ARHGEF40: variants seen among roughly 807,000 people sequenced by gnomAD.
The protein encoded by ARHGEF40 is Rho guanine nucleotide exchange factor (GEF) 40.
ARHGEF40 carries 98 observed loss-of-function variants against 165.9 expected under a neutral mutation model. The ratio of observed to expected loss-of-function variants is 0.59; its 90% CI spans 0.50 to 0.70. The LOEUF (loss-of-function observed/expected upper bound fraction) is 0.70. ARHGEF40 is among the 30% of genes least tolerant of loss of function. ARHGEF40 has a pLI of 0.00. For missense variants in ARHGEF40, 1,815 were observed against 1,968.0 expected, an observed-to-expected ratio of 0.92 and a Z score of 1.47; for synonymous variants, 792 against 814.3, an observed-to-expected ratio of 0.97 and a Z score of 0.47.
chr14:21,078,607 T>A, intron 10 of ARHGEF40, 119 bp downstream of exon 10: 1 of 1,066,320 alleles, frequency 9.4e-7, no homozygotes, highest in Non-Finnish European at 1.3e-6. Context: ...GGCAAGATAC[T>A]ATGCTTTTAC....
Position 21,074,026 on chromosome 14 carries a change from T to G in ARHGEF40, c.296T>G (p.Leu99Arg). ...VVQLAALPWQ[L>R]LRPGDFYLQV... ...CAGCTAGCAGCCCTACCCTGGCAAC[T>G]GCTGCGCCCAGGAGACTTCTATCTG... is the stretch of plus-strand genomic sequence containing the variant. Residue 99 changes from leucine to arginine, a missense_variant, in exon 3 of 24, where the codon CTG (leucine) becomes CGG (arginine). Transcript: ENST00000298694. The surrounding 1 kb of genome is among the most constrained non-coding windows in gnomAD (Gnocchi z 4.8). 6.2e-7 allele frequency: 1 copy of G among 1,614,064 alleles called. No individual in the cohort carries two copies. Among genetic ancestry groups the G allele is most frequent in the Non-Finnish European group, 8.5e-7 (1 of 1,180,022 alleles).
intron 11 of ARHGEF40, among the ~76,000 whole-genome samples, chr14:21,079,947 T>C (rs1887741048): frequency 6.6e-6 from 1 of 152,092 alleles, no homozygotes. Context: ...CAAGTCCTCA[T>C]CTATAGAATG....
intron 19 of ARHGEF40, 24 bp downstream of exon 19, chr14:21,085,890 G>A (rs1888298856): frequency 1.2e-6 from 2 of 1,611,488 alleles, no homozygotes; most frequent in Admixed American, 1.7e-5. Flanking sequence ...CTGAGGAAGG[G>A]GGTGCTTGGA....
chr14:21,080,601 C>T (rs1887814808), intron 11 of ARHGEF40, 59 bp from the exon 12 acceptor site: 1 of 1,557,358 alleles, frequency 6.4e-7, no homozygotes, highest in Non-Finnish European at 8.7e-7. Flanking sequence ...TGCTGGATCT[C>T]AGCCCTTCCT....
At chr14:21,084,499 C>T (rs1888185163) in intron 17 of ARHGEF40, among the ~76,000 whole-genome samples, 1 of 152,220 alleles carries the variant, frequency 6.6e-6, no homozygotes, top group African/African-American at 2.4e-5. Flanking sequence ...CATGCAAAGG[C>T]TTCCCCACAG....
intron 21 of ARHGEF40, 106 bp downstream of exon 21, chr14:21,087,569 C>T: frequency 6.7e-7 from 1 of 1,481,486 alleles, no homozygotes; most frequent in Non-Finnish European, 9.1e-7. Context: ...AGCCCAGTTG[C>T]CATGACAACT....
intron 20 of ARHGEF40, 33 bp downstream of exon 20, chr14:21,087,138 G>A (rs1888407805): frequency 6.2e-7 from 1 of 1,604,468 alleles, no homozygotes; most frequent in South Asian, 1.1e-5. Flanking sequence ...GTGGCCCCCA[G>A]GAGTGAAGAC....
chr14:21,076,558 C>G lies in ARHGEF40; in HGVS notation c.1837-5C>G. 1 of 1,614,216 alleles carries G rather than the reference C, an allele frequency of 6.2e-7. No individual in the cohort carries two copies. Among genetic ancestry groups the G allele is most frequent in the Non-Finnish European group, 8.5e-7 (1 of 1,180,038 alleles). On this transcript the variant is annotated splice_region_variant and splice_polypyrimidine_tract_variant and intron_variant, in intron 6 of 23. Transcript: ENST00000298694. ...CAGTTTAGGGTTATTCTTTTCTGCCCTTAGGACTCAGGAGATCCTCCCCTT... is the reference window on the plus strand; with the variant it reads ...CAGTTTAGGGTTATTCTTTTCTGCCGTTAGGACTCAGGAGATCCTCCCCTT...
the ARHGEF40 span, among the ~76,000 whole-genome samples, chr14:21,063,927 C>G: frequency 6.6e-6 from 1 of 152,308 alleles, no homozygotes; most frequent in East Asian, 1.9e-4. Flanking sequence ...TCAAAACTCC[C>G]TTACATAGAA....
rs748618365 is a variant in ARHGEF40, at chr14:21,082,812, C to T, written c.3487-19C>T. On this transcript the variant is annotated intron_variant, in intron 15 of 23. Coordinates refer to ENST00000298694, the MANE Select transcript of ARHGEF40 (RefSeq NM_018071.5). ...AGCGGCCTCACCGGGGACTCCTTAT[C>T]TGTTCTTTACTGGCACAGGGGGACC... 66 of 1,613,136 alleles carry T rather than the reference C, an allele frequency of 4.1e-5. No individual in the cohort carries two copies. In the South Asian group the frequency reaches 5.1e-4, roughly 12 times the overall value.
In ARHGEF40 at chr14:21,073,095, T is replaced by C. The variant is rs1238511541; in HGVS notation, c.54T>C (p.Tyr18=). Residue 18 remains tyrosine, a synonymous_variant, in exon 2 of 24, where the codon TAT becomes TAC. Transcript: ENST00000298694. The surrounding 1 kb of genome is among the most constrained non-coding windows in gnomAD (Gnocchi z 4.6). ...DCVQSTLAAL[Y]PPFEATAPTL... ...TGCAGAGCACTCTCGCCGCCCTGTA[T>C]CCACCCTTTGAGGCAACAGCCCCCA... 6.2e-7 allele frequency: 1 copy of C among 1,614,126 alleles called. No homozygotes were observed. Among genetic ancestry groups the C allele is most frequent in the Non-Finnish European group, 8.5e-7 (1 of 1,180,012 alleles).
chr14:21,082,863 G>A lies in ARHGEF40; in HGVS notation c.3519G>A (p.Val1173=), dbSNP rs1489174626. ...AGTTCAGCCTTTATGCACAGTACGT[G>A]AAGCACCGACACAAACTGGAGAATG... is the stretch of plus-strand genomic sequence containing the variant. ...GDQFSLYAQY[V]KHRHKLENGL... Residue 1173 remains valine (V), a synonymous_variant, in exon 16 of 24, where the codon GTG becomes GTA. Transcript: ENST00000298694. The A allele has an allele frequency of 3.7e-6, 6 of 1,614,096 alleles. No individual in the cohort carries two copies. The African/African-American group carries it at 6.7e-5, about 18-fold the overall frequency.
Position 21,075,383 on chromosome 14 carries a change from A to T in ARHGEF40, c.1502A>T (p.Glu501Val). 1 of 1,614,176 alleles carries T rather than the reference A, an allele frequency of 6.2e-7. No homozygotes were observed. The highest frequency in any genetic ancestry group is 1.1e-5 in the South Asian group (1 of 91,086). Residue 501 changes from glutamate to valine, a missense_variant, in exon 4 of 24, where the codon GAG becomes GTG. Glu to Val is a moderately radical substitution (Grantham distance 121). Coordinates refer to ENST00000298694, the MANE Select transcript of ARHGEF40 (RefSeq NM_018071.5). The surrounding 1 kb of genome is among the most constrained non-coding windows in gnomAD (Gnocchi z 4.5). The stretch of plus-strand genomic sequence containing the variant: ...TCTGACACTCCAACACCTCCGCTGG[A>T]GACTGTGCAGGAAGGAAAAGGGGAC... Reference protein sequence around the residue: ...PLSDTPTPPLETVQEGKGDNI... With the variant: ...PLSDTPTPPLVTVQEGKGDNI...
chr14:21,061,952 G>A, the ARHGEF40 span, among the ~76,000 whole-genome samples: 1 of 152,144 alleles, frequency 6.6e-6, no homozygotes, highest in South Asian at 2.1e-4. Context: ...ACTTTATAAG[G>A]ACATGGAATA....
At position 21,082,949 on chromosome 14, in the gene ARHGEF40, TAGAG is replaced by T. The variant is rs1431893291; in HGVS notation, c.3573+35_3573+38del. 6 of 1,600,792 alleles carry T rather than the reference TAGAG, an allele frequency of 3.7e-6. No homozygotes were observed. The African/African-American group carries it at 5.4e-5, about 14-fold the overall frequency. On this transcript the variant is annotated intron_variant, in intron 16 of 23. Transcript: ENST00000298694. ...TTTTCTCCAACCTTCAGGAGAAAAGTAGAGAGGCCAGAAAGACCTAAAAACCCAC... is the reference window on the plus strand; with the variant it reads ...TTTTCTCCAACCTTCAGGAGAAAAGTAGGCCAGAAAGACCTAAAAACCCAC...
the ARHGEF40 span, among the ~76,000 whole-genome samples, chr14:21,063,214 GTGTA>G: frequency 6.6e-6 from 1 of 151,974 alleles, no homozygotes; most frequent in Non-Finnish European, 1.5e-5. Context: ...TAAAAGTGGT[GTGTA>G]TGTGTGTGTG....
In ARHGEF40 at chr14:21,075,904, C is replaced by T. The variant is rs1205884080; in HGVS notation, c.1739+139C>T. On this transcript the variant is annotated intron_variant, in intron 5 of 23. Transcript: ENST00000298694. This position sits in a 1 kb window ranked among gnomAD's most constrained non-coding sequence, Gnocchi z 4.5. ...CAACCTTCAGACTTCAAGCCATTGA[C>T]CTTTGGCCTTACTTACCCTGACCTC... 11 of 1,131,762 alleles carry T rather than the reference C, an allele frequency of 9.7e-6. No homozygotes were observed. In the East Asian group the frequency reaches 2.6e-4, roughly 26 times the overall value. The allele number at this position is 1,131,762 out of a possible 1,614,324, so 70.1% of individuals were successfully genotyped here. A position where few individuals can be genotyped will look rare whatever the true frequency, so the allele number is the denominator to read the frequency against.
chr14:21,086,186 T>C (rs1384546053), intron 19 of ARHGEF40: 4 of 300,676 alleles, frequency 1.3e-5, no homozygotes, highest in Non-Finnish European at 2.6e-5. Flanking sequence ...AAGACCAGCC[T>C]GGGCACATAG....
chr14:21,076,286 T>C (rs1887407284), intron 5 of ARHGEF40, 74 bp from the exon 6 acceptor site: 1 of 1,239,848 alleles, frequency 8.1e-7, no homozygotes, highest in African/African-American at 1.5e-5. Context: ...AGACCCCGTA[T>C]GTCTGCCTTG....
Sources: allele counts gnomAD v4.1 joint callset (sites outside exome capture counted in the v4.1 genomes callset), GRCh38; gene constraint gnomAD v4.1.1; non-coding constraint Gnocchi (gnomAD v3.1); transcripts MANE v1.5; gene names NCBI Gene and HGNC (gene_info 2026-07-23, HGNC 2026-07-21).